Variants in SHANK2 observed in about 807,000 individuals in gnomAD.
SHANK2 encodes the protein SH3 and multiple ankyrin repeat domains protein 2.
Under a neutral mutation model 133.7 loss-of-function variants are expected in SHANK2, and 43 were observed. That is an observed-to-expected ratio of 0.32 (90% CI 0.25 to 0.41). The LOEUF is 0.41. Ranked by LOEUF, SHANK2 falls within the 10% of genes least tolerant of loss-of-function variation. SHANK2 has a pLI of 1.00. For missense variants in SHANK2, 1,994 were observed against 2,235.8 expected (o/e 0.89, Z 2.18); for synonymous variants, 1,017 against 952.8 (o/e 1.07, Z -1.24).
intron 11 of SHANK2, among the ~76,000 whole-genome samples, chr11:70,879,507 C>T (rs1344325670): frequency 6.6e-6 from 1 of 152,160 alleles, no homozygotes; most frequent in Non-Finnish European, 1.5e-5. Context: ...CAGAGAGGTG[C>T]CGTGGCTGGT....
chr11:71,244,211 C>G (rs1954930637), intron 1 of SHANK2, among the ~76,000 whole-genome samples: 1 of 152,236 alleles, frequency 6.6e-6, no homozygotes, highest in Non-Finnish European at 1.5e-5. Context: ...CTTGACCCCA[C>G]AGCCTGGAAG....
intron 17 of SHANK2, among the ~76,000 whole-genome samples, chr11:70,548,184 C>A (rs1178809314): frequency 6.6e-6 from 1 of 152,262 alleles, no homozygotes; most frequent in Non-Finnish European, 1.5e-5. Context: ...ACACTGGCCA[C>A]CCCTGGAGCA....
At chr11:70,519,361 G>T (rs565313340) in intron 17 of SHANK2, among the ~76,000 whole-genome samples, 4 of 152,324 alleles carry the variant, frequency 2.6e-5, no homozygotes, top group African/African-American at 7.2e-5. Flanking sequence ...TCTTTAAAAA[G>T]TGTCATTATG....
chr11:70,854,497 C>T (rs1555066435), intron 11 of SHANK2, among the ~76,000 whole-genome samples: 1 of 152,172 alleles, frequency 6.6e-6, no homozygotes, highest in Non-Finnish European at 1.5e-5. Context: ...CCACATTCAG[C>T]CCTGTAGCTT....
At chr11:70,828,866 C>G (rs1555057740) in intron 11 of SHANK2, among the ~76,000 whole-genome samples, 1 of 152,238 alleles carries the variant, frequency 6.6e-6, no homozygotes, top group Non-Finnish European at 1.5e-5. Flanking sequence ...AACACCCCCT[C>G]CATCTGTCAC....
chr11:70,748,584 T>G (rs1439624590), intron 14 of SHANK2, among the ~76,000 whole-genome samples: 1 of 152,182 alleles, frequency 6.6e-6, no homozygotes, highest in Admixed American at 6.5e-5. Context: ...CAGTCCACCT[T>G]TAAAATAAAT....
chr11:70,734,184 C>T (rs1011472030), intron 14 of SHANK2, among the ~76,000 whole-genome samples: 17 of 152,232 alleles, frequency 1.1e-4, no homozygotes, highest in African/African-American at 1.7e-4. Flanking sequence ...GCAGCAGGTG[C>T]GGCAGGGGCA....
chr11:71,122,780 G>C (rs1266307431), intron 3 of SHANK2, among the ~76,000 whole-genome samples: 2 of 152,150 alleles, frequency 1.3e-5, no homozygotes, highest in Middle Eastern at 3.2e-3. Context: ...GCCCCCAGAA[G>C]CTGGGGTAGA....
At chr11:70,512,005 AT>A (rs1334999970) in intron 17 of SHANK2, among the ~76,000 whole-genome samples, 1 of 152,210 alleles carries the variant, frequency 6.6e-6, no homozygotes, top group African/African-American at 2.4e-5. Flanking sequence ...ATTTAATTTT[AT>A]ATCTATCACT....
At chr11:71,235,596 G>GT (rs1555123614) in intron 1 of SHANK2, among the ~76,000 whole-genome samples, 63 of 92,766 alleles carry the variant, frequency 6.8e-4, no homozygotes, top group Non-Finnish European at 1.0e-3. Context: ...TCTCTCTCGG[G>GT]GAAAAAAAAA....
At chr11:70,651,820 G>A (rs2061342850) in intron 17 of SHANK2, among the ~76,000 whole-genome samples, 2 of 152,232 alleles carry the variant, frequency 1.3e-5, no homozygotes, top group Non-Finnish European at 1.5e-5. Flanking sequence ...GCTAACATCA[G>A]CTGGTGTTTG....
chr11:71,095,559 T>G (rs886649220), intron 6 of SHANK2, among the ~76,000 whole-genome samples: 12 of 152,152 alleles, frequency 7.9e-5, no homozygotes, highest in Admixed American at 2.0e-4. Flanking sequence ...ACAATGAATA[T>G]TCACTCGGTC....
chr11:70,948,275 G>T (rs76471201), intron 10 of SHANK2: 1 of 457,086 alleles, frequency 2.2e-6, no homozygotes, highest in Non-Finnish European at 4.4e-6. Context: ...CATGTTGCAC[G>T]TTTCTCTGCT....
At chr11:70,582,049 G>A (rs1164736939) in intron 17 of SHANK2, among the ~76,000 whole-genome samples, 3 of 152,220 alleles carry the variant, frequency 2.0e-5, no homozygotes, top group Non-Finnish European at 4.4e-5. Context: ...CAGATCCCGG[G>A]CCAGGTCCAG....
intron 14 of SHANK2, chr11:70,705,458 TC>T (rs1280371903): frequency 1.3e-5 from 2 of 152,272 alleles, no homozygotes; most frequent in Admixed American, 6.5e-5. Flanking sequence ...GAGTTTGGCC[TC>T]CTCTGAGAGA....
chr11:70,710,873 C>A (rs782249579), intron 14 of SHANK2, among the ~76,000 whole-genome samples: 2 of 152,196 alleles, frequency 1.3e-5, no homozygotes, highest in East Asian at 1.9e-4. Context: ...AGCAGACACG[C>A]CTGTGGTCAC....
At chr11:71,112,830 G>A (rs80155409) in intron 5 of SHANK2, among the ~76,000 whole-genome samples, 2 of 124,398 alleles carry the variant, frequency 1.6e-5, no homozygotes, top group Non-Finnish European at 3.7e-5. Flanking sequence ...AGTGCATTCC[G>A]CCAGGTTCTG....
At chr11:70,741,226 ACCATGCAT>A (rs1946517214) in intron 14 of SHANK2, among the ~76,000 whole-genome samples, 2 of 143,470 alleles carry the variant, frequency 1.4e-5, no homozygotes, top group African/African-American at 2.7e-5. Context: ...CATGCATTTA[ACCATGCAT>A]CCATCCATCC....
At chr11:70,942,495 C>G (rs1950661516) in intron 10 of SHANK2, 1 of 455,422 alleles carries the variant, frequency 2.2e-6, no homozygotes, top group East Asian at 7.0e-5. Flanking sequence ...GCCCCAGAAC[C>G]CAAACACCTT....
Sources: allele counts gnomAD v4.1 joint callset (sites outside exome capture counted in the v4.1 genomes callset), GRCh38; gene constraint gnomAD v4.1.1; transcripts MANE v1.5; gene names NCBI Gene and HGNC (gene_info 2026-07-23, HGNC 2026-07-21).